The following DLG2 variants were observed in gnomAD, a reference collection of about 807,000 sequenced individuals.
DLG2 encodes the protein discs large MAGUK scaffold protein 2, also known as disks large homolog 2.
Under a neutral mutation model 132.5 loss-of-function variants are expected in DLG2, and 45 were observed. The observed-to-expected ratio is 0.34, with a 90% confidence interval of 0.27 to 0.44. The LOEUF (loss-of-function observed/expected upper bound fraction) is 0.44. Among genes scored for constraint, DLG2 ranks in the 20% least tolerant of loss-of-function variants. The probability of loss-of-function intolerance (pLI) is 1.00; values close to 1 mark genes in which losing one functional copy is unlikely to be tolerated. For missense variants in DLG2, 1,045 were observed against 1,196.9 expected (o/e 0.87, Z 1.87); for synonymous variants, 424 against 419.6 (o/e 1.01, Z -0.13).
At chr11:84,637,360 C>T (rs1020174348) in intron 6 of DLG2, among the ~76,000 whole-genome samples, 5 of 152,276 alleles carry the variant, frequency 3.3e-5, no homozygotes, top group Admixed American at 2.0e-4. Flanking sequence ...TTATATTGAA[C>T]TGAATGTTTA....
chr11:85,116,922 T>A lies in DLG2; in HGVS notation c.283-5187A>T, dbSNP rs138046229. Reference sequence around the variant, plus strand: ...GAGAAGTCTTACATATCACCTACAATTAGCAAAAGAAACTTCAATGGGACT... The same window carrying A: ...GAGAAGTCTTACATATCACCTACAAATAGCAAAAGAAACTTCAATGGGACT... On this transcript the variant is annotated intron_variant, in intron 5 of 27. Coordinates refer to ENST00000376104, the MANE Select transcript of DLG2 (RefSeq NM_001142699.3). 2.8e-3 allele frequency among the ~76,000 whole-genome samples: 421 copies of A among 152,120 alleles called. 2 individuals carry two copies. Among genetic ancestry groups the A allele is most frequent in the Non-Finnish European group, 4.4e-3 (301 of 67,960 alleles).
At chr11:84,554,381 C>G (rs1205021088) in intron 6 of DLG2, among the ~76,000 whole-genome samples, 1 of 152,100 alleles carries the variant, frequency 6.6e-6, no homozygotes, top group East Asian at 1.9e-4. Context: ...CAACAGTGTA[C>G]AAGCAAGATA....
intron 19 of DLG2, among the ~76,000 whole-genome samples, chr11:83,568,424 A>G (rs2096744535): frequency 1.3e-5 from 2 of 152,156 alleles, no homozygotes; most frequent in African/African-American, 2.4e-5. Flanking sequence ...GTCCAGTAAC[A>G]GTGGGATGGA....
chr11:84,764,260 G>A (rs1248947872), intron 6 of DLG2, among the ~76,000 whole-genome samples: 1 of 152,092 alleles, frequency 6.6e-6, no homozygotes, highest in Non-Finnish European at 1.5e-5. Flanking sequence ...TACCCTACCT[G>A]ACTCTAATTT....
intron 6 of DLG2, among the ~76,000 whole-genome samples, chr11:84,552,750 C>G (rs1592198779): frequency 1.3e-5 from 2 of 152,188 alleles, no homozygotes; most frequent in East Asian, 3.8e-4. Context: ...TATTAGCCAC[C>G]TAGTAACTGG....
intron 6 of DLG2, among the ~76,000 whole-genome samples, chr11:84,789,403 T>A (rs942279734): frequency 1.3e-5 from 2 of 151,950 alleles, no homozygotes; most frequent in African/African-American, 4.8e-5. Context: ...CAAAGCTTTA[T>A]TTTTTTTCCT....
chr11:84,748,204 G>A (rs1436589031), intron 6 of DLG2, among the ~76,000 whole-genome samples: 3 of 152,138 alleles, frequency 2.0e-5, no homozygotes, highest in Admixed American at 6.6e-5. Flanking sequence ...GGTGCATTCA[G>A]GAGGCCTGCC....
At chr11:84,022,157 C>T (rs1014614058) in intron 11 of DLG2, among the ~76,000 whole-genome samples, 4 of 152,154 alleles carry the variant, frequency 2.6e-5, no homozygotes, top group African/African-American at 9.6e-5. Flanking sequence ...CCACAGATGC[C>T]CTTCTGTCAG....
At chr11:85,429,648 C>G (rs1404941726) in intron 3 of DLG2, among the ~76,000 whole-genome samples, 6 of 152,152 alleles carry the variant, frequency 3.9e-5, no homozygotes, top group Non-Finnish European at 8.8e-5. Context: ...CAAATCAAAA[C>G]CACAATGAGA....
chr11:83,728,394 A>ACAGCTCT (rs1399341747), intron 18 of DLG2, among the ~76,000 whole-genome samples: 1 of 152,126 alleles, frequency 6.6e-6, no homozygotes, highest in East Asian at 1.9e-4. Flanking sequence ...CTTTATACAG[A>ACAGCTCT]CAGCTCTTTC....
At chr11:84,371,604 A>G (rs2098706842) in intron 7 of DLG2, among the ~76,000 whole-genome samples, 1 of 152,158 alleles carries the variant, frequency 6.6e-6, no homozygotes, top group Non-Finnish European at 1.5e-5. Context: ...CAGAATCGAC[A>G]TACTACTAAG....
At chr11:84,475,951 T>C (rs1011464227) in intron 7 of DLG2, among the ~76,000 whole-genome samples, 1 of 152,020 alleles carries the variant, frequency 6.6e-6, no homozygotes, top group African/African-American at 2.4e-5. Flanking sequence ...TCTGTTTAAG[T>C]CCGATTGTAT....
chr11:85,068,410 T>G (rs2065262468), intron 6 of DLG2, among the ~76,000 whole-genome samples: 1 of 152,132 alleles, frequency 6.6e-6, no homozygotes, highest in South Asian at 2.1e-4. Flanking sequence ...CCCCATAGTC[T>G]CAGCCCAAAA....
At chr11:85,235,677 A>C (rs1337864734) in intron 4 of DLG2, among the ~76,000 whole-genome samples, 1 of 151,950 alleles carries the variant, frequency 6.6e-6, no homozygotes, top group African/African-American at 2.4e-5. Flanking sequence ...AATATAAGTA[A>C]GTTGACATAA....
intron 7 of DLG2, among the ~76,000 whole-genome samples, chr11:84,514,974 T>C (rs185967481): frequency 3.8e-4 from 58 of 151,576 alleles, no homozygotes; most frequent in African/African-American, 1.3e-3. Context: ...AATAAAAAAA[T>C]TAATTAAAGA....
At chr11:83,496,236 A>G (rs1289492700) in intron 21 of DLG2, among the ~76,000 whole-genome samples, 1 of 151,468 alleles carries the variant, frequency 6.6e-6, no homozygotes, top group African/African-American at 2.4e-5. Flanking sequence ...AAACATCATT[A>G]GTCATCGGGG....
intron 3 of DLG2, among the ~76,000 whole-genome samples, chr11:85,522,150 T>A (rs1005521686): frequency 1.9e-4 from 29 of 152,094 alleles, no homozygotes; most frequent in African/African-American, 6.8e-4. Flanking sequence ...GTATACAGTC[T>A]CAGGACTGTG....
At chr11:84,629,834 G>GA (rs769412561) in intron 6 of DLG2, among the ~76,000 whole-genome samples, 13 of 152,156 alleles carry the variant, frequency 8.5e-5, no homozygotes, top group Non-Finnish European at 1.5e-4. Context: ...AAAAGGAAAA[G>GA]TGGAGGAAAA....
chr11:83,661,118 TG>T (rs1284849981), intron 18 of DLG2, among the ~76,000 whole-genome samples: 6 of 152,162 alleles, frequency 3.9e-5, no homozygotes, highest in Admixed American at 2.0e-4. Context: ...TCTCCTGCTT[TG>T]CCCGAGGTTA....
Sources: gnomAD v4.1 joint callset for allele counts (sites outside exome capture counted in the v4.1 genomes callset) on GRCh38, gnomAD v4.1.1 for gene constraint, MANE v1.5 for transcripts, NCBI Gene and HGNC (gene_info 2026-07-23, HGNC 2026-07-21) for gene names.